STPG2: variants seen among roughly 807,000 people sequenced by gnomAD.
STPG2 encodes the protein sperm tail PG-rich repeat containing 2.
Under a neutral mutation model 54.2 loss-of-function variants are expected in STPG2, and 56 were observed. The observed-to-expected ratio is 1.03, with a 90% CI of 0.83 to 1.29. The LOEUF is 1.29. Ranked by LOEUF, STPG2 falls within the 50% of genes most tolerant of loss-of-function variation. The pLI, the probability that STPG2 is intolerant of heterozygous loss-of-function variation, is 0.00. For synonymous variants in STPG2, 200 were observed against 181.8 expected (o/e 1.10, Z -0.81); for missense variants, 596 against 544.9 (o/e 1.09, Z -0.93).
At chr4:98,112,692 G>T (rs1043698603) in intron 3 of STPG2, among the ~76,000 whole-genome samples, 4 of 152,054 alleles carry the variant, frequency 2.6e-5, no homozygotes, top group Admixed American at 2.6e-4. Context: ...AAATCCCCTT[G>T]ATTGTTTCTT....
chr4:97,985,719 C>T (rs1166108877), intron 5 of STPG2, among the ~76,000 whole-genome samples: 1 of 152,124 alleles, frequency 6.6e-6, no homozygotes, highest in Admixed American at 6.5e-5. Flanking sequence ...TTCTTTTCCC[C>T]ATCATCCCCT....
chr4:97,592,035 T>C (rs1380282098), intron 10 of STPG2, among the ~76,000 whole-genome samples: 2 of 152,170 alleles, frequency 1.3e-5, no homozygotes, highest in Non-Finnish European at 2.9e-5. Flanking sequence ...AGGAAATATA[T>C]TAACATGTAG....
intron 8 of STPG2, among the ~76,000 whole-genome samples, chr4:97,877,652 G>A (rs113786474): frequency 0.023 from 3,458 of 152,194 alleles, 81 homozygotes; most frequent in African/African-American, 0.065. Flanking sequence ...TGATTCAACT[G>A]TCTTCCACTG....
intron 10 of STPG2, among the ~76,000 whole-genome samples, chr4:97,639,878 A>T (rs1054448881): frequency 3.3e-5 from 5 of 151,904 alleles, no homozygotes; most frequent in African/African-American, 1.2e-4. Context: ...TAATGATAAC[A>T]ATAATAATGG....
At chr4:98,109,356 G>T in intron 3 of STPG2, 51 bp from the exon 4 acceptor site, 1 of 1,355,818 alleles carries the variant, frequency 7.4e-7, no homozygotes, top group Non-Finnish European at 1.0e-6. Context: ...GTTTAAATAA[G>T]TCATGAAACA....
At chr4:97,578,398 C>T (rs953859767) in intron 10 of STPG2, among the ~76,000 whole-genome samples, 8 of 152,042 alleles carry the variant, frequency 5.3e-5, no homozygotes, top group African/African-American at 1.9e-4. Context: ...CCAACTGAGA[C>T]AGAAGTAGTG....
At chr4:97,495,440 T>A (rs1260959564) in intron 4 of STPG2, among the ~76,000 whole-genome samples, 1 of 151,392 alleles carries the variant, frequency 6.6e-6, no homozygotes, top group Non-Finnish European at 1.5e-5. Context: ...TTTTGTATAG[T>A]ATTCGTTTTT....
At chr4:98,078,055 T>C (rs1188211596) in intron 5 of STPG2, among the ~76,000 whole-genome samples, 1 of 152,066 alleles carries the variant, frequency 6.6e-6, no homozygotes, top group Non-Finnish European at 1.5e-5. Flanking sequence ...AATGTTTGTT[T>C]CTCTCCAACT....
intron 6 of STPG2, among the ~76,000 whole-genome samples, chr4:97,976,789 C>T (rs1219627247): frequency 1.3e-5 from 2 of 152,108 alleles, no homozygotes; most frequent in Non-Finnish European, 2.9e-5. Flanking sequence ...CTTAATTTAA[C>T]TTGCCCTTTA....
intron 8 of STPG2, among the ~76,000 whole-genome samples, chr4:97,929,247 GTAC>G (rs1732449764): frequency 1.3e-5 from 2 of 152,160 alleles, no homozygotes; most frequent in Admixed American, 1.3e-4. Flanking sequence ...TGGTGTATAT[GTAC>G]TACATTTTCT....
In STPG2 at chr4:97,786,752, A is replaced by T. The variant is rs151114648; in HGVS notation, c.1204+54021T>A. ...CTCACCTGTTGGTCACTTAGTAACC[A>T]TCTCTTTGTCCAATGCATTCATGCT... On this transcript the variant is annotated intron_variant, in intron 9 of 10. Coordinates refer to ENST00000295268, the MANE Select transcript of STPG2 (RefSeq NM_174952.3). Among the ~76,000 whole-genome samples, 637 of 152,148 alleles carry T rather than the reference A, an allele frequency of 4.2e-3. 3 individuals are homozygous for T. Among genetic ancestry groups the T allele is most frequent in the South Asian group, 0.024 (115 of 4,824 alleles).
chr4:97,890,284 T>C (rs906023935), intron 8 of STPG2, among the ~76,000 whole-genome samples: 1 of 151,962 alleles, frequency 6.6e-6, no homozygotes, highest in Admixed American at 6.6e-5. Flanking sequence ...AAAAATGTTA[T>C]CATATCTAAA....
intron 5 of STPG2, among the ~76,000 whole-genome samples, chr4:98,049,928 C>T (rs190379161): frequency 2.9e-4 from 44 of 152,008 alleles, no homozygotes; most frequent in Non-Finnish European, 5.4e-4. Context: ...ATAGAAAATA[C>T]AAAAGACAAA....
chr4:97,735,901 T>C (rs1368125040), intron 9 of STPG2, among the ~76,000 whole-genome samples: 2 of 152,076 alleles, frequency 1.3e-5, no homozygotes, highest in East Asian at 3.9e-4. Flanking sequence ...TAGATATTTC[T>C]CAAAAGAAGA....
At chr4:97,880,108 C>T (rs1022320804) in intron 8 of STPG2, among the ~76,000 whole-genome samples, 1 of 152,068 alleles carries the variant, frequency 6.6e-6, no homozygotes, top group African/African-American at 2.4e-5. Flanking sequence ...GAATACAATA[C>T]CGTACAGCCT....
intron 4 of STPG2, among the ~76,000 whole-genome samples, chr4:97,518,461 C>A (rs948639950): frequency 6.6e-6 from 1 of 152,002 alleles, no homozygotes; most frequent in Non-Finnish European, 1.5e-5. Context: ...ACACAAATCA[C>A]CCACTAAAAC....
At chr4:97,538,975 T>C (rs545122949) in intron 4 of STPG2, among the ~76,000 whole-genome samples, 1 of 152,258 alleles carries the variant, frequency 6.6e-6, no homozygotes, top group South Asian at 2.1e-4. Context: ...TAAAATCCTT[T>C]ACAGATAAGC....
At chr4:98,032,731 A>G (rs947655926) in intron 5 of STPG2, among the ~76,000 whole-genome samples, 1 of 152,218 alleles carries the variant, frequency 6.6e-6, no homozygotes, top group African/African-American at 2.4e-5. Context: ...AACGGAAATC[A>G]TAACAAACTG....
At chr4:97,820,547 A>C (rs260890) in intron 9 of STPG2, among the ~76,000 whole-genome samples, 1 of 151,980 alleles carries the variant, frequency 6.6e-6, no homozygotes. Context: ...AAATGCTACC[A>C]CAGTAAATAC....
Sources: gnomAD v4.1 joint callset for allele counts (sites outside exome capture counted in the v4.1 genomes callset) on GRCh38, gnomAD v4.1.1 for gene constraint, MANE v1.5 for transcripts, NCBI Gene and HGNC (gene_info 2026-07-23, HGNC 2026-07-21) for gene names.